Variants in DAPK2 observed in about 807,000 individuals in gnomAD.
DAPK2 encodes death-associated protein kinase 2.
In DAPK2, 35 loss-of-function variants were observed where a neutral mutation model predicts 44.1. The observed-to-expected ratio is 0.79, with a 90% CI of 0.61 to 1.05. DAPK2 has a LOEUF of 1.05. Ranked by LOEUF, DAPK2 falls within the 50% of genes least tolerant of loss-of-function variation. The pLI is 0.00. For missense variants in DAPK2, 453 were observed against 483.2 expected (o/e 0.94, Z 0.59); for synonymous variants, 174 against 182.6 (o/e 0.95, Z 0.38).
At chr15:64,045,836 C>A (rs1595934786) in intron 1 of DAPK2, among the ~76,000 whole-genome samples, 2 of 152,360 alleles carry the variant, frequency 1.3e-5, no homozygotes, top group African/African-American at 4.8e-5. Flanking sequence ...CGGCGGGGAC[C>A]CCAGCTTCAT....
intron 1 of DAPK2, among the ~76,000 whole-genome samples, chr15:63,984,484 C>T (rs567213583): frequency 3.3e-5 from 5 of 152,300 alleles, no homozygotes; most frequent in African/African-American, 1.2e-4. Flanking sequence ...GAGTGGCAGG[C>T]AGCCCTGAGC....
At chr15:64,030,759 G>A (rs2079987413) in intron 1 of DAPK2, among the ~76,000 whole-genome samples, 1 of 152,086 alleles carries the variant, frequency 6.6e-6, no homozygotes, top group African/African-American at 2.4e-5. Context: ...CTTGAGGCCA[G>A]GAGGTCAAGA....
At chr15:63,935,041 GGGTT>G (rs1331809637) in intron 4 of DAPK2, among the ~76,000 whole-genome samples, 2 of 150,026 alleles carry the variant, frequency 1.3e-5, no homozygotes, top group African/African-American at 2.4e-5. Flanking sequence ...CAATGTTTTG[GGGTT>G]TTTTTTTAAT....
At chr15:63,930,378 A>G in intron 5 of DAPK2, 29 bp downstream of exon 6, 1 of 1,612,704 alleles carries the variant, frequency 6.2e-7, no homozygotes, top group Non-Finnish European at 8.5e-7. Flanking sequence ...AAGGATCGCT[A>G]GGTCACCTGA....
intron 8 of DAPK2, chr15:63,919,772 C>T (rs1247700254): frequency 6.6e-6 from 1 of 152,312 alleles, no homozygotes. Flanking sequence ...AGGCATGAGC[C>T]ACCACACTGG....
intron 1 of DAPK2, among the ~76,000 whole-genome samples, chr15:64,033,840 G>A (rs145459313): frequency 0.024 from 3,585 of 151,964 alleles, 61 homozygotes; most frequent in South Asian, 0.062. Context: ...CCGTGAACCC[G>A]GGAGGCAGAG....
chr15:64,022,987 TG>T (rs932789116), intron 1 of DAPK2, among the ~76,000 whole-genome samples: 1 of 152,220 alleles, frequency 6.6e-6, no homozygotes, highest in African/African-American at 2.4e-5. Flanking sequence ...AGAAATTTTC[TG>T]GCAAAAGTGC....
intron 1 of DAPK2, among the ~76,000 whole-genome samples, chr15:64,012,326 G>A (rs2079410195): frequency 6.6e-6 from 1 of 152,158 alleles, no homozygotes; most frequent in African/African-American, 2.4e-5. Flanking sequence ...GTGATAAATC[G>A]ATGCACTAAC....
intron 2 of DAPK2, among the ~76,000 whole-genome samples, chr15:63,974,739 T>C (rs940945989): frequency 1.3e-5 from 2 of 152,198 alleles, no homozygotes; most frequent in African/African-American, 2.4e-5. Context: ...CCACAGAATA[T>C]AGATTTTTCC....
At position 63,944,194 on chromosome 15, in the gene DAPK2, C is replaced by T. The variant is rs528542899; in HGVS notation, c.454-4833G>A. Among the ~76,000 whole-genome samples, 14 of 152,190 alleles carry T rather than the reference C, an allele frequency of 9.2e-5. No homozygotes were observed. The South Asian group carries it at 2.1e-3, about 23-fold the overall frequency. On this transcript the variant is annotated intron_variant, in intron 3 of 10. Coordinates refer to ENST00000261891, the Ensembl canonical transcript of DAPK2. Reference sequence around the variant, plus strand: ...TGGGGGTTTCAGGCTGGAAGGTGGCCGTGGGGCAGTAGGAATGCTCTGTTG... The same window carrying T: ...TGGGGGTTTCAGGCTGGAAGGTGGCTGTGGGGCAGTAGGAATGCTCTGTTG...
chr15:64,007,659 T>C (rs989153722), intron 1 of DAPK2, among the ~76,000 whole-genome samples: 1 of 152,200 alleles, frequency 6.6e-6, no homozygotes, highest in African/African-American at 2.4e-5. Flanking sequence ...ACTATAAAAT[T>C]CTGCATAAGG....
At chr15:64,012,031 T>C (rs2079401967) in intron 1 of DAPK2, among the ~76,000 whole-genome samples, 1 of 152,118 alleles carries the variant, frequency 6.6e-6, no homozygotes, top group South Asian at 2.1e-4. Flanking sequence ...GTCAGTTCCT[T>C]CCGTAAAGTG....
At position 63,937,833 on chromosome 15, in the gene DAPK2, C is replaced by T. The variant is rs556746344; in HGVS notation, c.583+1399G>A. Among the ~76,000 whole-genome samples, 11 of 152,306 alleles carry T rather than the reference C, an allele frequency of 7.2e-5. No individual in the cohort carries two copies. The East Asian group carries it at 2.1e-3, about 29-fold the overall frequency. The stretch of plus-strand genomic sequence containing the variant: ...ACTTAATAGACATGCATTTTTACCA[C>T]ATATGTGAATGGTGGGTAGCAACTG... On this transcript the variant is annotated intron_variant, in intron 4 of 10. Coordinates refer to ENST00000261891, the Ensembl canonical transcript of DAPK2.
Position 63,939,404 on chromosome 15 carries a change from AG to A in DAPK2, c.454-44del. 1 of 1,554,056 alleles carries A rather than the reference AG, an allele frequency of 6.4e-7. No individual in the cohort carries two copies. Among genetic ancestry groups the A allele is most frequent in the African/African-American group, 1.4e-5 (1 of 72,044 alleles). On this transcript the variant is annotated intron_variant, in intron 3 of 10. Coordinates refer to ENST00000261891, the Ensembl canonical transcript of DAPK2. The surrounding 1 kb of genome is among the most constrained non-coding windows in gnomAD (Gnocchi z 4.3). ...GAAAAAAAAAAAAGGAAGGAAGAAA[AG>A]AAAAAAAAAGACGGTAATTAAAGGC...
intron 1 of DAPK2, among the ~76,000 whole-genome samples, chr15:64,024,812 C>T (rs544636104): frequency 3.9e-5 from 6 of 152,328 alleles, no homozygotes; most frequent in African/African-American, 1.4e-4. Flanking sequence ...GGGGCCTGCC[C>T]CCAGGGTGCT....
intron 1 of DAPK2, among the ~76,000 whole-genome samples, chr15:64,012,931 T>C (rs1257876215): frequency 2.0e-5 from 3 of 152,266 alleles, no homozygotes; most frequent in Admixed American, 2.0e-4. Flanking sequence ...TATATTTATA[T>C]AGGGAATGAC....
At chr15:63,991,248 G>A (rs1044269802) in intron 1 of DAPK2, 10 of 456,238 alleles carry the variant, frequency 2.2e-5, no homozygotes, top group African/African-American at 1.2e-4. Context: ...TGGGCAGTGC[G>A]CTGGGAACTA....
intron 8 of DAPK2, chr15:63,920,443 TAGAG>T (rs886461483): frequency 1.3e-5 from 2 of 151,998 alleles, no homozygotes; most frequent in Non-Finnish European, 2.9e-5. Context: ...GTGGTGGGGG[TAGAG>T]AGAGTTTCCT....
chr15:64,036,319 G>GTATA (rs57218056), intron 1 of DAPK2, among the ~76,000 whole-genome samples: 3,410 of 56,604 alleles, frequency 0.06, 500 homozygotes, highest in South Asian at 0.13. Context: ...GTATATATAT[G>GTATA]TATATATATA....
Sources: gnomAD v4.1 joint callset for allele counts (sites outside exome capture counted in the v4.1 genomes callset) on GRCh38, gnomAD v4.1.1 for gene constraint, Gnocchi (gnomAD v3.1) non-coding constraint, MANE v1.5 for transcripts, NCBI Gene and HGNC (gene_info 2026-07-23, HGNC 2026-07-21) for gene names.